The following KLHL9 variants were observed in gnomAD, a reference collection of about 807,000 sequenced individuals.
KLHL9 encodes kelch-like protein 9.
Under a neutral mutation model 42.3 loss-of-function variants are expected in KLHL9, and 27 were observed. The observed-to-expected ratio is 0.64, with a 90% CI of 0.47 to 0.88. The LOEUF (loss-of-function observed/expected upper bound fraction) is 0.88, where lower values mean the gene tolerates loss of function less well. Ranked by LOEUF, KLHL9 falls within the 40% of genes least tolerant of loss-of-function variation. KLHL9 has a pLI of 0.00. For synonymous variants in KLHL9, 274 were observed against 254.4 expected, an observed-to-expected ratio of 1.08 and a Z score of -0.73; for missense variants, 629 against 750.3, an observed-to-expected ratio of 0.84 and a Z score of 1.89.
Position 21,334,471 on chromosome 9 carries a change from C to G in KLHL9, c.389G>C (p.Ser130Thr), listed in dbSNP as rs928897371. 13 of 1,613,828 alleles carry G rather than the reference C, an allele frequency of 8.1e-6. No homozygotes were observed. The highest frequency in any genetic ancestry group is 1.1e-5 in the Non-Finnish European group (13 of 1,179,866). The change falls in exon 1 of 1, where the codon AGC becomes ACC. Residue 130 changes from serine to threonine, a missense_variant. By Grantham distance (58) the Ser-to-Thr change is moderately conservative. Transcript: ENST00000359039. This position sits in a 1 kb window ranked among gnomAD's most constrained non-coding sequence, Gnocchi z 5.1. Reference sequence around the variant, plus strand: ...CAAAACGGGTAATATTTGTAAAAAGCTAGCAGCTTCAAGTGTGTCCTGAAG... The same window carrying G: ...CAAAACGGGTAATATTTGTAAAAAGGTAGCAGCTTCAAGTGTGTCCTGAAG... The part of the protein sequence containing the change: ...DNLQDTLEAA[S>T]FLQILPVLDF...
Position 21,331,538 on chromosome 9 carries a change from T to G in KLHL9, c.*1468A>C, listed in dbSNP as rs1349999316. The G allele has an allele frequency of 6.6e-6, 1 of 152,090 alleles. No homozygotes were observed. The highest frequency in any genetic ancestry group is 1.5e-5 in the Non-Finnish European group (1 of 68,024). The allele number at this position is 152,090 out of a possible 1,614,324, so 9.4% of individuals were successfully genotyped here. ...ACACACACAATGTATATATAAATTT[T>G]TTTTCTTCAGGTAGACAATTATTCC... On this transcript the variant is annotated 3_prime_UTR_variant, in exon 1 of 1. Coordinates refer to ENST00000359039, the MANE Select transcript of KLHL9 (RefSeq NM_018847.4).
Position 21,333,080 on chromosome 9 carries a change from CTG to C in KLHL9, c.1778_1779del (p.Thr593SerfsTer5), listed in dbSNP as rs1820203219. The C allele has an allele frequency of 6.2e-7, 1 of 1,614,154 alleles. No individual in the cohort carries two copies. The highest frequency in any genetic ancestry group is 8.5e-7 in the Non-Finnish European group (1 of 1,180,000). On this transcript the variant is annotated frameshift_variant, in exon 1 of 1. Transcript: ENST00000359039. LOFTEE classifies it high-confidence loss of function. The surrounding 1 kb of genome is among the most constrained non-coding windows in gnomAD (Gnocchi z 7.5). ...CCAGGGTTTTCTTCAGGTGGAAAAA[CTG>C]TGAGTGTACAGGCTCGAATGCCACC... ...SLGGIRACTL[T>X]VFPPEENPGS...
At position 21,334,402 on chromosome 9, in the gene KLHL9, T is replaced by G; in HGVS notation, c.458A>C (p.Asn153Thr). 6.2e-7 allele frequency: 1 copy of G among 1,614,046 alleles called. No individual in the cohort carries two copies. The highest frequency in any genetic ancestry group is 8.5e-7 in the Non-Finnish European group (1 of 1,179,976). ...AGCAATTCGTCCAACCTCAACACAG[T>G]TATCCAAAGAGACTCCTGATATAAG... ...VFLISGVSLDNCVEVGRIANT... is the reference protein window; with the variant it reads ...VFLISGVSLDTCVEVGRIANT... The change falls in exon 1 of 1, where the codon AAC becomes ACC. Residue 153 changes from asparagine to threonine, a missense_variant. Around this residue, in one of 4 missense-constraint regions of KLHL9, gnomAD observed 351 missense variants for 363.1 expected, o/e 0.97. Transcript: ENST00000359039. The surrounding 1 kb of genome is among the most constrained non-coding windows in gnomAD (Gnocchi z 5.1).
In KLHL9 at chr9:21,330,461, T is replaced by G. The variant is rs1820149176; in HGVS notation, c.*2545A>C. The G allele has an allele frequency of 6.6e-6, 1 of 152,086 alleles. No individual in the cohort carries two copies. 9.4% of individuals were successfully genotyped at this position (152,086 alleles called of 1,614,324 possible). On this transcript the variant is annotated 3_prime_UTR_variant, in exon 1 of 1. Coordinates refer to ENST00000359039, the MANE Select transcript of KLHL9 (RefSeq NM_018847.4). ...GCATAGCATTAGTCAGCTACCTGTA[T>G]GATTACCAAGAGAACTGTCAACTGC...
rs971168854 is a variant in KLHL9 at position 21,330,958 on chromosome 9, C to T, written c.*2048G>A. ...AGACAAATTTGATCTCAAAAATTAA[C>T]TGAACAGCGTTGCCTTTGTAAAACT... On this transcript the variant is annotated 3_prime_UTR_variant, in exon 1 of 1. Coordinates refer to ENST00000359039, the MANE Select transcript of KLHL9 (RefSeq NM_018847.4). 2.6e-5 allele frequency: 4 copies of T among 151,008 alleles called. No homozygotes were observed. The highest frequency in any genetic ancestry group is 9.7e-5 in the African/African-American group (4 of 41,154). The allele number at this position is 151,008 out of a possible 1,614,324, so 9.4% of individuals were successfully genotyped here.
chr9:21,332,932 A>C lies in KLHL9; in HGVS notation c.*74T>G. 6.2e-7 allele frequency: 1 copy of C among 1,601,952 alleles called. No homozygotes were observed. The highest frequency in any genetic ancestry group is 8.5e-7 in the Non-Finnish European group (1 of 1,172,572). ...TTTATATCTAATAACTGTACCAATCACTGTAAGAAGATACAACTGAAGGGG... is the reference window on the plus strand; with the variant it reads ...TTTATATCTAATAACTGTACCAATCCCTGTAAGAAGATACAACTGAAGGGG... On this transcript the variant is annotated 3_prime_UTR_variant, in exon 1 of 1. Transcript: ENST00000359039.
rs962970823 is a variant in KLHL9 at position 21,335,065 on chromosome 9, C to T, written c.-206G>A. 4.7e-6 allele frequency: 3 copies of T among 638,500 alleles called. No homozygotes were observed. In the African/African-American group the frequency reaches 5.5e-5, roughly 12 times the overall value. The allele number at this position is 638,500 out of a possible 1,614,324, so 39.6% of individuals were successfully genotyped here. A position where few individuals can be genotyped will look rare whatever the true frequency, so the allele number is the denominator to read the frequency against. Reference sequence around the variant, plus strand: ...CAGGACCACAAAGGGCTGTGGACCTCAAATCTGATTATTAGACAGATGATT... The same window carrying T: ...CAGGACCACAAAGGGCTGTGGACCTTAAATCTGATTATTAGACAGATGATT... On this transcript the variant is annotated 5_prime_UTR_variant, in exon 1 of 1. An upstream open reading frame in the 5' UTR loses its in-frame stop. Coordinates refer to ENST00000359039, the MANE Select transcript of KLHL9 (RefSeq NM_018847.4).
rs1271312113 is a variant in KLHL9 at position 21,334,987 on chromosome 9, G to A, written c.-128C>T. ...TCCTTATCAAGGGAAGGCAGTCACTGCGGCACCCCTCGGGCCACGCCAGTC... is the reference window on the plus strand; with the variant it reads ...TCCTTATCAAGGGAAGGCAGTCACTACGGCACCCCTCGGGCCACGCCAGTC... On this transcript the variant is annotated 5_prime_UTR_variant, in exon 1 of 1. Transcript: ENST00000359039. The surrounding 1 kb of genome is among the most constrained non-coding windows in gnomAD (Gnocchi z 5.1). 1.4e-6 allele frequency: 2 copies of A among 1,388,898 alleles called. No homozygotes were observed. The highest frequency in any genetic ancestry group is 2.9e-5 in the African/African-American group (2 of 69,480). 86.0% of individuals were successfully genotyped at this position (1,388,898 alleles called of 1,614,324 possible).
rs750165321 is a variant in KLHL9, at chr9:21,332,533, C to T, written c.*473G>A. On this transcript the variant is annotated 3_prime_UTR_variant, in exon 1 of 1. Coordinates refer to ENST00000359039, the MANE Select transcript of KLHL9 (RefSeq NM_018847.4). Reference sequence around the variant, plus strand: ...TTAATATTTTTATTATTTCTGTCTACGTAAGAAACTTCAAATATTCTGAAT... The same window carrying T: ...TTAATATTTTTATTATTTCTGTCTATGTAAGAAACTTCAAATATTCTGAAT... The T allele has an allele frequency of 1.4e-4, 23 of 160,734 alleles. No homozygotes were observed. The highest frequency in any genetic ancestry group is 2.6e-4 in the Non-Finnish European group (19 of 73,010). The allele number at this position is 160,734 out of a possible 1,614,324, so 10.0% of individuals were successfully genotyped here. A position where few individuals can be genotyped will look rare whatever the true frequency, so the allele number is the denominator to read the frequency against.
At position 21,333,793 on chromosome 9, in the gene KLHL9, C is replaced by T. The variant is rs1259355808; in HGVS notation, c.1067G>A (p.Ser356Asn). The T allele has an allele frequency of 6.2e-7, 1 of 1,614,082 alleles. No individual in the cohort carries two copies. Among genetic ancestry groups the T allele is most frequent in the Non-Finnish European group, 8.5e-7 (1 of 1,180,032 alleles). The stretch of plus-strand genomic sequence containing the variant: ...AGTTTTTCCTTTTGTATCATAATTA[C>T]TCTGACCACCAACTACATAAAGAAA... ...GNFLYVVGGQ[S>N]NYDTKGKTAV... The change falls in exon 1 of 1, where the codon AGT becomes AAT. Residue 356 changes from serine to asparagine, a missense_variant. Around this residue, in one of 4 missense-constraint regions of KLHL9, gnomAD observed 214 missense variants for 305.8 expected, o/e 0.70. Transcript: ENST00000359039. This position sits in a 1 kb window ranked among gnomAD's most constrained non-coding sequence, Gnocchi z 7.5.
rs1348543872 is a variant in KLHL9 at position 21,333,971 on chromosome 9, A to C, written c.889T>G (p.Ser297Ala). 1 of 1,614,092 alleles carries C rather than the reference A, an allele frequency of 6.2e-7. No individual in the cohort carries two copies. The highest frequency in any genetic ancestry group is 1.3e-5 in the African/African-American group (1 of 74,936). ...QSDRTAIRSD[S>A]THLVTLGGVL... is the part of the protein sequence containing the mutation. ...CCTCCTAATGTAACCAAGTGAGTGGAGTCAGATCGAATGGCAGTTCTATCT... is the reference window on the plus strand; with the variant it reads ...CCTCCTAATGTAACCAAGTGAGTGGCGTCAGATCGAATGGCAGTTCTATCT... Residue 297 changes from serine to alanine, a missense_variant, in exon 1 of 1, where the codon TCC (serine) becomes GCC (alanine). Ser to Ala is a moderately conservative substitution (Grantham distance 99). This residue lies in a region of KLHL9 where 351 missense variants were observed against 363.1 expected (regional missense o/e 0.97). Coordinates refer to ENST00000359039, the MANE Select transcript of KLHL9 (RefSeq NM_018847.4). This position sits in a 1 kb window ranked among gnomAD's most constrained non-coding sequence, Gnocchi z 7.5.
chr9:21,335,067 A>C lies in KLHL9; in HGVS notation c.-208T>G. On this transcript the variant is annotated 5_prime_UTR_variant, in exon 1 of 1. The change creates a new upstream start codon in the 5' untranslated region. Transcript: ENST00000359039. Reference sequence around the variant, plus strand: ...GGACCACAAAGGGCTGTGGACCTCAAATCTGATTATTAGACAGATGATTCA... The same window carrying C: ...GGACCACAAAGGGCTGTGGACCTCACATCTGATTATTAGACAGATGATTCA... 1.6e-6 allele frequency: 1 copy of C among 635,102 alleles called. No individual in the cohort carries two copies. Among genetic ancestry groups the C allele is most frequent in the East Asian group, 2.8e-5 (1 of 36,184 alleles). 39.3% of individuals were successfully genotyped at this position (635,102 alleles called of 1,614,324 possible).
Position 21,334,430 on chromosome 9 carries a change from A to G in KLHL9, c.430T>C (p.Phe144Leu). ...TCCAAAGAGACTCCTGATATAAGAA[A>G]TACTTTACAGAAATCCAAAACGGGT... ...ILPVLDFCKV[F>L]LISGVSLDNC... Residue 144 changes from phenylalanine to leucine, a missense_variant, in exon 1 of 1, where the codon TTT (phenylalanine) becomes CTT (leucine). Phe to Leu is a conservative substitution (Grantham distance 22, BLOSUM62 0). Coordinates refer to ENST00000359039, the MANE Select transcript of KLHL9 (RefSeq NM_018847.4). The surrounding 1 kb of genome is among the most constrained non-coding windows in gnomAD (Gnocchi z 5.1). 1 of 1,614,096 alleles carries G rather than the reference A, an allele frequency of 6.2e-7. No individual in the cohort carries two copies. The highest frequency in any genetic ancestry group is 8.5e-7 in the Non-Finnish European group (1 of 1,180,010).
Position 21,334,796 on chromosome 9 carries a change from C to T in KLHL9, c.64G>A (p.Gly22Arg), listed in dbSNP as rs758023725. ...TTGCTGGTAAAAAAGCGTGTGGTTC[C>T]TGCCTTACAAGGCTGCAAATGGGCA... ...VSAHLQPCKA[G>R]TTRFFTSNTH... The change falls in exon 1 of 1, where the codon GGA (glycine) becomes AGA (arginine). Residue 22 changes from glycine to arginine, a missense_variant. This residue lies in a region of KLHL9 where 351 missense variants were observed against 363.1 expected (regional missense o/e 0.97). Coordinates refer to ENST00000359039, the MANE Select transcript of KLHL9 (RefSeq NM_018847.4). The surrounding 1 kb of genome is among the most constrained non-coding windows in gnomAD (Gnocchi z 5.1). 2.5e-6 allele frequency: 4 copies of T among 1,613,192 alleles called. No homozygotes were observed. In the African/African-American group the frequency reaches 5.3e-5, roughly 22 times the overall value.
rs1443231813 is a variant in KLHL9, at chr9:21,331,044, T to C, written c.*1962A>G. 2.0e-5 allele frequency: 3 copies of C among 152,448 alleles called. No homozygotes were observed. The highest frequency in any genetic ancestry group is 2.9e-5 in the Non-Finnish European group (2 of 68,010). The allele number at this position is 152,448 out of a possible 1,614,324, so 9.4% of individuals were successfully genotyped here. ...TGCAAGTTAAATTACATTTATTATA[T>C]AAAGAGATCCTATAACTTGATACGA... On this transcript the variant is annotated 3_prime_UTR_variant, in exon 1 of 1. Transcript: ENST00000359039.
Position 21,333,988 on chromosome 9 carries a change from G to C in KLHL9, c.872C>G (p.Thr291Ser). Reference protein sequence around the residue: ...YMQPVMQSDRTAIRSDSTHLV... With the variant: ...YMQPVMQSDRSAIRSDSTHLV... ...GTGAGTGGAGTCAGATCGAATGGCA[G>C]TTCTATCTGACTGCATCACTGGCTG... Residue 291 changes from threonine to serine, a missense_variant, in exon 1 of 1, where the codon ACT (threonine) becomes AGT (serine). Thr to Ser is a moderately conservative substitution (Grantham distance 58). This residue lies in a region of KLHL9 where 351 missense variants were observed against 363.1 expected (regional missense o/e 0.97). Coordinates refer to ENST00000359039, the MANE Select transcript of KLHL9 (RefSeq NM_018847.4). The surrounding 1 kb of genome is among the most constrained non-coding windows in gnomAD (Gnocchi z 7.5). 6.2e-7 allele frequency: 1 copy of C among 1,614,060 alleles called. No homozygotes were observed. Among genetic ancestry groups the C allele is most frequent in the Non-Finnish European group, 8.5e-7 (1 of 1,179,944 alleles).
In KLHL9 at chr9:21,330,664, G is replaced by C. The variant is rs1272212988; in HGVS notation, c.*2342C>G. On this transcript the variant is annotated 3_prime_UTR_variant, in exon 1 of 1. Transcript: ENST00000359039. ...TAAAAGGAAAAGCCTGTACAAAATA[G>C]AGGCAGGGCAGTATCACCTTGATAT... 6.6e-6 allele frequency: 1 copy of C among 152,100 alleles called. No individual in the cohort carries two copies. Among genetic ancestry groups the C allele is most frequent in the East Asian group, 1.9e-4 (1 of 5,196 alleles). 9.4% of individuals were successfully genotyped at this position (152,100 alleles called of 1,614,324 possible).
Position 21,334,039 on chromosome 9 carries a change from C to G in KLHL9, c.821G>C (p.Ser274Thr), listed in dbSNP as rs771596341. 6.2e-7 allele frequency: 1 copy of G among 1,614,220 alleles called. No homozygotes were observed. The change falls in exon 1 of 1, where the codon AGC (serine) becomes ACC (threonine). Residue 274 changes from serine to threonine, a missense_variant. By Grantham distance (58) the Ser-to-Thr change is moderately conservative. Transcript: ENST00000359039. This position sits in a 1 kb window ranked among gnomAD's most constrained non-coding sequence, Gnocchi z 5.1. ...NTCVNLLLEA[S>T]NYQMMPYMQP... Reference sequence around the variant, plus strand: ...CATATATGGCATCATTTGGTAATTGCTAGCTTCCAAAAGCAAATTCACGCA... The same window carrying G: ...CATATATGGCATCATTTGGTAATTGGTAGCTTCCAAAAGCAAATTCACGCA...
In KLHL9 at chr9:21,335,201, C is replaced by A. The variant is rs77356635; in HGVS notation, c.-342G>T. The A allele has an allele frequency of 0.037, 18,232 of 498,828 alleles. 378 individuals carry two copies. Among genetic ancestry groups the A allele is most frequent in the Middle Eastern group, 0.063 (119 of 1,892 alleles). 30.9% of individuals were successfully genotyped at this position (498,828 alleles called of 1,614,324 possible). On this transcript the variant is annotated 5_prime_UTR_variant, in exon 1 of 1. Coordinates refer to ENST00000359039, the MANE Select transcript of KLHL9 (RefSeq NM_018847.4). Reference sequence around the variant, plus strand: ...AGAGGCGCCGCCACGTACTGTGGCTCCACGGCCCGCTCGGCGGCGGGTCCG... The same window carrying A: ...AGAGGCGCCGCCACGTACTGTGGCTACACGGCCCGCTCGGCGGCGGGTCCG...
Sources: allele counts gnomAD v4.1 joint callset, GRCh38; gene constraint gnomAD v4.1.1; regional missense constraint gnomAD v4.1.1; non-coding constraint Gnocchi (gnomAD v3.1); transcripts MANE v1.5; gene names NCBI Gene and HGNC (gene_info 2026-07-23, HGNC 2026-07-21).